Variants in CCDC85A observed in about 807,000 individuals in gnomAD.
The protein encoded by CCDC85A is coiled-coil domain-containing protein 85A.
In CCDC85A, 38 loss-of-function variants were observed where a neutral mutation model predicts 50.2. The ratio of observed to expected loss-of-function variants is 0.76; its 90% CI spans 0.58 to 0.99. CCDC85A has a LOEUF of 0.99. Ranked by LOEUF, CCDC85A falls within the 50% of genes least tolerant of loss-of-function variation. The pLI is 0.00. For synonymous variants in CCDC85A, 366 were observed against 301.4 expected (o/e 1.21, Z -2.22); for missense variants, 820 against 742.0 (o/e 1.11, Z -1.22).
intron 2 of CCDC85A, among the ~76,000 whole-genome samples, chr2:56,232,991 C>G (rs72919077): frequency 0.048 from 7,321 of 152,230 alleles, 546 homozygotes; most frequent in African/African-American, 0.16. Flanking sequence ...GTGCTCCAGC[C>G]CACATTGTCC....
chr2:56,211,824 A>G (rs1433905163), intron 2 of CCDC85A, among the ~76,000 whole-genome samples: 1 of 152,042 alleles, frequency 6.6e-6, no homozygotes, highest in Non-Finnish European at 1.5e-5. Context: ...GACTTCCAGT[A>G]TTAGGGCATC....
intron 2 of CCDC85A, among the ~76,000 whole-genome samples, chr2:56,259,144 T>G (rs1406966237): frequency 6.6e-6 from 1 of 152,184 alleles, no homozygotes; most frequent in African/African-American, 2.4e-5. Context: ...TATCATGTAC[T>G]AAGGATGGAA....
In CCDC85A at chr2:56,192,905, G is replaced by A. The variant is rs915992631; in HGVS notation, c.705G>A (p.Glu235=). 3 of 1,611,440 alleles carry A rather than the reference G, an allele frequency of 1.9e-6. No individual in the cohort carries two copies. The highest frequency in any genetic ancestry group is 8.5e-7 in the Non-Finnish European group (1 of 1,178,330). The change falls in exon 2 of 6, where the codon GAG becomes GAA. Residue 235 remains glutamate, a synonymous_variant. Coordinates refer to ENST00000407595, the MANE Select transcript of CCDC85A (RefSeq NM_001080433.2). This position sits in a 1 kb window ranked among gnomAD's most constrained non-coding sequence, Gnocchi z 4.7. ...ACCACGCGAGCAGTGGCAGCCCGGA[G>A]CACCTGCAGAAGCCCCGGAGCGAGG... ...HKHHASSGSP[E]HLQKPRSEGS... is the part of the protein sequence containing the mutation.
intron 2 of CCDC85A, among the ~76,000 whole-genome samples, chr2:56,260,338 G>A (rs1270629991): frequency 6.6e-6 from 1 of 152,204 alleles, no homozygotes; most frequent in Non-Finnish European, 1.5e-5. Context: ...GAGGGTGGGA[G>A]TAAAAAGAAT....
chr2:56,271,401 C>T (rs988973390), intron 2 of CCDC85A, among the ~76,000 whole-genome samples: 5 of 152,038 alleles, frequency 3.3e-5, no homozygotes, highest in Non-Finnish European at 7.4e-5. Flanking sequence ...ACTCAGAGTC[C>T]AGGAAGCAGG....
chr2:56,304,808 G>C (rs764932243), intron 2 of CCDC85A, among the ~76,000 whole-genome samples: 5 of 152,078 alleles, frequency 3.3e-5, no homozygotes, highest in African/African-American at 9.6e-5. Context: ...CAGCACTTTG[G>C]GGGGCCAGGG....
chr2:56,193,251 C>T lies in CCDC85A; in HGVS notation c.1051C>T (p.Leu351Phe), dbSNP rs1174503233. The T allele has an allele frequency of 6.2e-7, 1 of 1,613,454 alleles. No individual in the cohort carries two copies. Among genetic ancestry groups the T allele is most frequent in the Non-Finnish European group, 8.5e-7 (1 of 1,179,698 alleles). ...KHALGGSLEH[L>F]PRARGTSPEH... ...CGCTCTTGGGGGGAGCCTAGAGCAT[C>T]TCCCCAGAGCCAGGGGCACCAGCCC... The change falls in exon 2 of 6, where the codon CTC becomes TTC. Residue 351 changes from leucine to phenylalanine, a missense_variant. Physicochemically the swap from Leu to Phe is conservative, Grantham distance 22. Coordinates refer to ENST00000407595, the MANE Select transcript of CCDC85A (RefSeq NM_001080433.2).
chr2:56,357,383 TG>T (rs1675285378), intron 3 of CCDC85A, among the ~76,000 whole-genome samples: 1 of 152,214 alleles, frequency 6.6e-6, no homozygotes, highest in African/African-American at 2.4e-5. Flanking sequence ...AGAAGTATTT[TG>T]GGGTGATTTC....
intron 2 of CCDC85A, among the ~76,000 whole-genome samples, chr2:56,196,208 G>C (rs1676513601): frequency 6.6e-6 from 1 of 152,088 alleles, no homozygotes; most frequent in Non-Finnish European, 1.5e-5. Context: ...AAAAGCAAAA[G>C]AAATATTTAA....
intron 2 of CCDC85A, among the ~76,000 whole-genome samples, chr2:56,262,001 C>A (rs966359718): frequency 6.6e-6 from 1 of 152,184 alleles, no homozygotes; most frequent in African/African-American, 2.4e-5. Flanking sequence ...TTCATTCATT[C>A]ATTCATTCAT....
intron 3 of CCDC85A, among the ~76,000 whole-genome samples, chr2:56,361,975 G>C (rs964028111): frequency 6.6e-6 from 1 of 152,132 alleles, no homozygotes; most frequent in African/African-American, 2.4e-5. Flanking sequence ...TAAGTGGTAG[G>C]GTGGAGATGG....
chr2:56,284,542 T>C (rs1458418791), intron 2 of CCDC85A, among the ~76,000 whole-genome samples: 1 of 152,142 alleles, frequency 6.6e-6, no homozygotes, highest in Non-Finnish European at 1.5e-5. Flanking sequence ...CCAGCTAATT[T>C]TTCTATTTTT....
At chr2:56,252,791 G>C (rs1283912163) in intron 2 of CCDC85A, among the ~76,000 whole-genome samples, 1 of 152,030 alleles carries the variant, frequency 6.6e-6, no homozygotes, top group East Asian at 1.9e-4. Context: ...GAGAACATGT[G>C]GTGTTTGGTT....
intron 2 of CCDC85A, among the ~76,000 whole-genome samples, chr2:56,313,578 G>T (rs1672789839): frequency 6.6e-6 from 1 of 152,130 alleles, no homozygotes; most frequent in Non-Finnish European, 1.5e-5. Flanking sequence ...CAACAAAGAG[G>T]ATTTGGAGCC....
At chr2:56,272,773 G>T (rs1670752709) in intron 2 of CCDC85A, among the ~76,000 whole-genome samples, 1 of 152,154 alleles carries the variant, frequency 6.6e-6, no homozygotes, top group South Asian at 2.1e-4. Flanking sequence ...GCCTTTTTCT[G>T]ACTGACTGCT....
chr2:56,372,210 T>C, intron 3 of CCDC85A, 134 bp from the exon 4 acceptor site: 11 of 775,114 alleles, frequency 1.4e-5, no homozygotes, highest in Non-Finnish European at 2.0e-5. Context: ...TTTCCCTAGC[T>C]ACAGGTGCAT....
intron 2 of CCDC85A, among the ~76,000 whole-genome samples, chr2:56,242,569 G>A (rs1227901121): frequency 1.3e-5 from 2 of 152,060 alleles, no homozygotes; most frequent in Non-Finnish European, 2.9e-5. Flanking sequence ...ATTCATGAGG[G>A]ATCTGCCCCA....
At chr2:56,306,752 A>T (rs1271997133) in intron 2 of CCDC85A, among the ~76,000 whole-genome samples, 1 of 152,166 alleles carries the variant, frequency 6.6e-6, no homozygotes, top group East Asian at 1.9e-4. Flanking sequence ...CTGTTTGTTG[A>T]ACCCCTACTA....
At position 56,307,807 on chromosome 2, in the gene CCDC85A, A is replaced by G. The variant is rs533823242; in HGVS notation, c.1241-35072A>G. On this transcript the variant is annotated intron_variant, in intron 2 of 5. Transcript: ENST00000407595. ...CTCATGCTATGTCATTTTACTTAGC[A>G]AGGCAAGATGGTGGGTATGGACAAG... Among the ~76,000 whole-genome samples, 9 of 152,326 alleles carry G rather than the reference A, an allele frequency of 5.9e-5. No homozygotes were observed. In the East Asian group the frequency reaches 1.7e-3, roughly 29 times the overall value.
Sources: allele counts gnomAD v4.1 joint callset (sites outside exome capture counted in the v4.1 genomes callset), GRCh38; gene constraint gnomAD v4.1.1; non-coding constraint Gnocchi (gnomAD v3.1); transcripts MANE v1.5; gene names NCBI Gene and HGNC (gene_info 2026-07-23, HGNC 2026-07-21).